ANKRD6: variants seen among roughly 807,000 people sequenced by gnomAD.
ANKRD6 encodes ankyrin repeat domain 6.
In ANKRD6, 56 loss-of-function variants were observed where a neutral mutation model predicts 82.3. That is an observed-to-expected ratio of 0.68 (90% CI 0.55 to 0.85). ANKRD6 has a LOEUF of 0.85. Ranked by LOEUF, ANKRD6 falls within the 40% of genes least tolerant of loss-of-function variation. ANKRD6 has a pLI of 0.00. For synonymous variants in ANKRD6, 347 were observed against 352.1 expected (o/e 0.99, Z 0.16); for missense variants, 852 against 907.6 (o/e 0.94, Z 0.79).
At chr6:89,574,217 G>C (rs1790591935) in intron 2 of ANKRD6, among the ~76,000 whole-genome samples, 2 of 152,188 alleles carry the variant, frequency 1.3e-5, no homozygotes, top group African/African-American at 4.8e-5. Context: ...ATCATCCTGT[G>C]CTATTGGGAC....
At chr6:89,545,350 T>C (rs1016266433) in intron 1 of ANKRD6, among the ~76,000 whole-genome samples, 1 of 152,132 alleles carries the variant, frequency 6.6e-6, no homozygotes, top group Admixed American at 6.6e-5. Flanking sequence ...TCCATCTGGG[T>C]AAACTCTCCA....
chr6:89,521,720 T>G (rs1334133967), intron 1 of ANKRD6, among the ~76,000 whole-genome samples: 3 of 152,074 alleles, frequency 2.0e-5, no homozygotes, highest in African/African-American at 7.2e-5. Flanking sequence ...GAGAGAATTG[T>G]ATGAATCAGA....
chr6:89,565,898 G>A (rs1292232479), intron 1 of ANKRD6, among the ~76,000 whole-genome samples: 1 of 152,218 alleles, frequency 6.6e-6, no homozygotes, highest in Non-Finnish European at 1.5e-5. Context: ...AGACATTTAA[G>A]TATTTCTTCT....
chr6:89,490,667 G>C (rs902988257), intron 1 of ANKRD6, among the ~76,000 whole-genome samples: 2 of 152,186 alleles, frequency 1.3e-5, no homozygotes, highest in Non-Finnish European at 2.9e-5. Context: ...CCCTGCTCTG[G>C]AAAAGCAGCA....
intron 5 of ANKRD6, among the ~76,000 whole-genome samples, chr6:89,607,125 G>A (rs773036449): frequency 1.3e-5 from 2 of 149,974 alleles, no homozygotes; most frequent in Non-Finnish European, 2.9e-5. Context: ...AGCTTAGTTC[G>A]TGCCACTGTA....
At chr6:89,618,166 A>T in intron 9 of ANKRD6, 135 bp downstream of exon 9, 1 of 953,272 alleles carries the variant, frequency 1.0e-6, no homozygotes, top group Non-Finnish European at 1.7e-6. Flanking sequence ...AGGTATAGGC[A>T]TGCATGGGGG....
At chr6:89,586,460 G>A (rs562816617) in intron 2 of ANKRD6, among the ~76,000 whole-genome samples, 5 of 152,138 alleles carry the variant, frequency 3.3e-5, no homozygotes, top group African/African-American at 7.2e-5. Context: ...AGGCCGAGGC[G>A]GGCGGATCAC....
intron 1 of ANKRD6, among the ~76,000 whole-genome samples, chr6:89,526,627 T>G (rs1782536044): frequency 6.6e-6 from 1 of 152,198 alleles, no homozygotes; most frequent in African/African-American, 2.4e-5. Context: ...GTCAGGGTTC[T>G]CCGAGAAACA....
chr6:89,450,365 T>C (rs1386098443), intron 1 of ANKRD6, among the ~76,000 whole-genome samples: 1 of 151,712 alleles, frequency 6.6e-6, no homozygotes, highest in Non-Finnish European at 1.5e-5. Context: ...GTTGTCTTTA[T>C]GAAATTGCAA....
intron 1 of ANKRD6, among the ~76,000 whole-genome samples, chr6:89,535,736 A>T (rs557891127): frequency 4.6e-5 from 7 of 152,318 alleles, no homozygotes; most frequent in Non-Finnish European, 8.8e-5. Context: ...TGGAAAGTTG[A>T]TTCCTTCTTG....
chr6:89,489,378 G>A (rs972944111), intron 1 of ANKRD6, among the ~76,000 whole-genome samples: 1 of 152,148 alleles, frequency 6.6e-6, no homozygotes, highest in African/African-American at 2.4e-5. Context: ...TATTAAGGAT[G>A]CCAGCTGCCC....
intron 1 of ANKRD6, among the ~76,000 whole-genome samples, chr6:89,548,816 G>T (rs1046394730): frequency 6.6e-6 from 1 of 152,172 alleles, no homozygotes; most frequent in Non-Finnish European, 1.5e-5. Context: ...TGTGTAGGCT[G>T]GAAAACACAT....
intron 8 of ANKRD6, among the ~76,000 whole-genome samples, chr6:89,617,131 C>T (rs1331704763): frequency 6.6e-6 from 1 of 152,234 alleles, no homozygotes; most frequent in Non-Finnish European, 1.5e-5. Context: ...AGAGCAGGCA[C>T]CAGCTCAGGT....
chr6:89,623,354 G>C, intron 10 of ANKRD6, 56 bp from the exon 11 acceptor site: 2 of 1,551,784 alleles, frequency 1.3e-6, no homozygotes, highest in Non-Finnish European at 1.7e-6. Context: ...GACCATATTA[G>C]TGAAAAAGGC....
chr6:89,543,167 T>A (rs920641562), intron 1 of ANKRD6, among the ~76,000 whole-genome samples: 8 of 152,244 alleles, frequency 5.3e-5, no homozygotes, highest in Non-Finnish European at 7.3e-5. Flanking sequence ...TGATGCCATC[T>A]TGTAAAGGAA....
intron 1 of ANKRD6, among the ~76,000 whole-genome samples, chr6:89,489,345 C>T (rs969790619): frequency 6.6e-6 from 1 of 152,146 alleles, no homozygotes; most frequent in African/African-American, 2.4e-5. Flanking sequence ...CTGCTCTTGA[C>T]AGAACAGAAG....
At chr6:89,551,348 T>C (rs1039491173) in intron 1 of ANKRD6, among the ~76,000 whole-genome samples, 3 of 152,240 alleles carry the variant, frequency 2.0e-5, no homozygotes, top group Admixed American at 1.3e-4. Flanking sequence ...TGTCACCCTC[T>C]TCCCACCATG....
At chr6:89,547,031 G>A (rs1583210625) in intron 1 of ANKRD6, among the ~76,000 whole-genome samples, 1 of 151,956 alleles carries the variant, frequency 6.6e-6, no homozygotes, top group Non-Finnish European at 1.5e-5. Flanking sequence ...ACGTGATCAC[G>A]GCTCATTGCA....
At chr6:89,480,588 A>T (rs1055763945) in intron 1 of ANKRD6, among the ~76,000 whole-genome samples, 5 of 150,628 alleles carry the variant, frequency 3.3e-5, no homozygotes, top group Admixed American at 6.6e-5. Context: ...GTATATTTTT[A>T]AAAAAGATAT....
Sources: allele counts gnomAD v4.1 joint callset (sites outside exome capture counted in the v4.1 genomes callset), GRCh38; gene constraint gnomAD v4.1.1; transcripts MANE v1.5; gene names NCBI Gene and HGNC (gene_info 2026-07-23, HGNC 2026-07-21).